The following NKAIN3 variants were observed in gnomAD, a reference collection of about 807,000 sequenced individuals.
NKAIN3 encodes the protein sodium/potassium-transporting ATPase subunit beta-1-interacting protein 3.
A neutral mutation model predicts 30.2 loss-of-function variants in NKAIN3; 25 were observed. The observed-to-expected ratio is 0.83, with a 90% CI of 0.60 to 1.16. The LOEUF (loss-of-function observed/expected upper bound fraction) is 1.16. NKAIN3 is among the 50% of genes most tolerant of loss of function. The pLI is 0.00. For synonymous variants in NKAIN3, 91 were observed against 89.6 expected (o/e 1.02, Z -0.09); for missense variants, 225 against 254.1 (o/e 0.89, Z 0.78).
intron 3 of NKAIN3, among the ~76,000 whole-genome samples, chr8:62,636,199 A>G (rs1419904090): frequency 6.6e-6 from 1 of 152,194 alleles, no homozygotes; most frequent in African/African-American, 2.4e-5. Context: ...GCTCTTAATA[A>G]CTAACTTATT....
chr8:62,428,286 T>C (rs1414069711), intron 1 of NKAIN3, among the ~76,000 whole-genome samples: 1 of 152,016 alleles, frequency 6.6e-6, no homozygotes, highest in African/African-American at 2.4e-5. Flanking sequence ...CTATTGTGAA[T>C]GGTTCTTCAA....
chr8:62,259,366 C>A (rs1812360114), intron 1 of NKAIN3, among the ~76,000 whole-genome samples: 1 of 152,010 alleles, frequency 6.6e-6, no homozygotes, highest in Admixed American at 6.6e-5. Flanking sequence ...GACTATTTGG[C>A]AAATACTTGA....
chr8:62,253,559 ACTCT>A (rs1429699329), intron 1 of NKAIN3, among the ~76,000 whole-genome samples: 1 of 152,134 alleles, frequency 6.6e-6, no homozygotes, highest in African/African-American at 2.4e-5. Context: ...ACAGAGTGAC[ACTCT>A]CTATCTAAAA....
chr8:62,752,829 A>T (rs893744022), intron 4 of NKAIN3, among the ~76,000 whole-genome samples: 1 of 152,138 alleles, frequency 6.6e-6, no homozygotes, highest in Non-Finnish European at 1.5e-5. Flanking sequence ...ATTGGAAGTA[A>T]TTTAATGAGG....
At chr8:62,586,535 C>G (rs1349682758) in intron 2 of NKAIN3, among the ~76,000 whole-genome samples, 2 of 152,066 alleles carry the variant, frequency 1.3e-5, no homozygotes, top group African/African-American at 4.8e-5. Context: ...AAGAAACTTA[C>G]TCTACATTTT....
intron 1 of NKAIN3, among the ~76,000 whole-genome samples, chr8:62,414,389 A>C (rs997944113): frequency 6.6e-6 from 1 of 150,408 alleles, no homozygotes; most frequent in Admixed American, 6.6e-5. Flanking sequence ...TGCCATTTAC[A>C]TTGAGGAATG....
At chr8:62,575,598 G>A (rs1810083218) in intron 1 of NKAIN3, among the ~76,000 whole-genome samples, 2 of 152,072 alleles carry the variant, frequency 1.3e-5, no homozygotes, top group Admixed American at 6.6e-5. Context: ...ATGCTTCACA[G>A]AAATAGAAAA....
chr8:62,920,096 G>A (rs1265031149), intron 5 of NKAIN3, among the ~76,000 whole-genome samples: 1 of 152,100 alleles, frequency 6.6e-6, no homozygotes, highest in East Asian at 1.9e-4. Flanking sequence ...CCAGAGCTAA[G>A]ACAGGCTGCA....
intron 4 of NKAIN3, among the ~76,000 whole-genome samples, chr8:62,838,053 G>A (rs1819421834): frequency 6.6e-6 from 1 of 151,800 alleles, no homozygotes; most frequent in South Asian, 2.1e-4. Context: ...GTATAGAGAG[G>A]AAGTACTTAA....
intron 1 of NKAIN3, among the ~76,000 whole-genome samples, chr8:62,484,034 T>C (rs1806820782): frequency 6.6e-6 from 1 of 152,202 alleles, no homozygotes; most frequent in African/African-American, 2.4e-5. Context: ...AAACACATGT[T>C]GACATGTCTT....
intron 4 of NKAIN3, among the ~76,000 whole-genome samples, chr8:62,861,502 C>G (rs12548172): frequency 6.6e-6 from 1 of 152,090 alleles, no homozygotes; most frequent in Non-Finnish European, 1.5e-5. Flanking sequence ...AGCCCTGGTG[C>G]TTTTATCATC....
intron 1 of NKAIN3, among the ~76,000 whole-genome samples, chr8:62,355,681 G>A (rs1816326795): frequency 6.6e-6 from 1 of 152,056 alleles, no homozygotes; most frequent in Non-Finnish European, 1.5e-5. Flanking sequence ...AATCACATAT[G>A]CAATTATATG....
chr8:62,470,730 A>G (rs1806306027), intron 1 of NKAIN3, among the ~76,000 whole-genome samples: 1 of 152,090 alleles, frequency 6.6e-6, no homozygotes, highest in South Asian at 2.1e-4. Context: ...AATATTTTAT[A>G]TTATCAAGGG....
intron 1 of NKAIN3, among the ~76,000 whole-genome samples, chr8:62,476,935 AT>A (rs1285679363): frequency 6.6e-6 from 1 of 152,202 alleles, no homozygotes; most frequent in African/African-American, 2.4e-5. Context: ...GACAGGGGAA[AT>A]GAAAGGCAAG....
chr8:62,866,741 G>A (rs1471055079), intron 4 of NKAIN3, among the ~76,000 whole-genome samples: 3 of 152,016 alleles, frequency 2.0e-5, no homozygotes, highest in East Asian at 1.9e-4. Context: ...AGGTGTTTGC[G>A]GTTGTCTTAA....
chr8:62,504,271 G>A (rs901399110), intron 1 of NKAIN3, among the ~76,000 whole-genome samples: 9 of 152,168 alleles, frequency 5.9e-5, no homozygotes, highest in African/African-American at 1.4e-4. Flanking sequence ...AAACCAGTCC[G>A]TAGTGGTTGG....
intron 3 of NKAIN3, among the ~76,000 whole-genome samples, chr8:62,670,639 G>A (rs912849384): frequency 6.6e-6 from 1 of 152,036 alleles, no homozygotes; most frequent in Non-Finnish European, 1.5e-5. Context: ...ATTGCATATG[G>A]TCCCCTTGGG....
rs375361137 is a variant in NKAIN3 at position 62,513,760 on chromosome 8, A to G, written c.55-65779A>G. Among the ~76,000 whole-genome samples the G allele has an allele frequency of 3.0e-4, 44 of 147,608 alleles. 1 individual carries two copies. The East Asian group carries it at 8.6e-3, about 29-fold the overall frequency. ...GTGGCGCACACATGTAGTCCCAGCT[A>G]TTAGGGAGGCTGAGGTGGGAGTATC... On this transcript the variant is annotated intron_variant, in intron 1 of 6. Transcript: ENST00000623646.
rs1343021173 is a variant in NKAIN3, at chr8:62,336,534, A to G, written c.54+87407A>G. Among the ~76,000 whole-genome samples, 2 of 151,862 alleles carry G rather than the reference A, an allele frequency of 1.3e-5. 1 individual carries two copies. Among genetic ancestry groups the G allele is most frequent in the Non-Finnish European group, 2.9e-5 (2 of 67,944 alleles). On this transcript the variant is annotated intron_variant, in intron 1 of 6. Coordinates refer to ENST00000623646, the MANE Select transcript of NKAIN3 (RefSeq NM_001304533.3). ...TCCTTGAAGTCCTCTTCTTTCCACT[A>G]ACAGTCTCTATGAGGCCCTTCTAGC...
Sources: allele counts gnomAD v4.1 joint callset (sites outside exome capture counted in the v4.1 genomes callset), GRCh38; gene constraint gnomAD v4.1.1; transcripts MANE v1.5; gene names NCBI Gene and HGNC (gene_info 2026-07-23, HGNC 2026-07-21).